Variants in CRMP1 observed in about 807,000 individuals in gnomAD.
CRMP1 encodes dihydropyrimidinase-related protein 1.
CRMP1 carries 19 observed loss-of-function variants against 68.3 expected under a neutral mutation model. The ratio of observed to expected loss-of-function variants is 0.28; its 90% CI spans 0.19 to 0.41. The LOEUF (loss-of-function observed/expected upper bound fraction) is 0.41, where lower values mean the gene tolerates loss of function less well. Among genes scored for constraint, CRMP1 ranks in the 10% least tolerant of loss-of-function variants. The probability of loss-of-function intolerance (pLI) is 1.00; values close to 1 mark genes in which losing one functional copy is unlikely to be tolerated. For synonymous variants in CRMP1, 439 were observed against 399.6 expected (o/e 1.10, Z -1.18); for missense variants, 791 against 967.4 (o/e 0.82, Z 2.42).
chr4:5,835,925 C>A lies in CRMP1; in HGVS notation c.1613G>T (p.Ser538Ile). ...TAGGCCAGGACTTACCGACTTGTGA[C>A]TTTTGGCTGTTATGGTCTTCAACTT... ...PDKLKTITAKSHKSAVEYNIF... is the reference protein window; with the variant it reads ...PDKLKTITAKIHKSAVEYNIF... Residue 538 changes from serine to isoleucine, a missense_variant, in exon 11 of 14, where the codon AGT becomes ATT. Ser to Ile is a moderately radical substitution (Grantham distance 142). Transcript: ENST00000324989. 6.4e-7 allele frequency: 1 copy of A among 1,551,848 alleles called. No individual in the cohort carries two copies.
In CRMP1 at chr4:5,887,393, G is replaced by A. The variant is rs3774897; in HGVS notation, c.381+5196C>T. 15 of 985,598 alleles carry A rather than the reference G, an allele frequency of 1.5e-5. No homozygotes were observed. In the East Asian group the frequency reaches 9.1e-4, roughly 60 times the overall value. 61.1% of individuals were successfully genotyped at this position (985,598 alleles called of 1,614,324 possible). ...CCCCGGGCTGCTCCTGCATACATGG[G>A]CTCCAGTGGTCCGCATCCCTCAGGA... On this transcript the variant is annotated intron_variant, in intron 1 of 13. Coordinates refer to ENST00000324989, the MANE Select transcript of CRMP1 (RefSeq NM_001014809.3).
intron 8 of CRMP1, 73 bp from the exon 9 acceptor site, chr4:5,839,751 G>C: frequency 1.4e-6 from 2 of 1,475,232 alleles, no homozygotes; most frequent in Admixed American, 2.1e-5. Flanking sequence ...GCACAAAATT[G>C]GAAGACTGTG....
chr4:5,892,439 G>T lies in CRMP1; in HGVS notation c.381+150C>A. On this transcript the variant is annotated intron_variant, in intron 1 of 13. Coordinates refer to ENST00000324989, the MANE Select transcript of CRMP1 (RefSeq NM_001014809.3). This position sits in a 1 kb window ranked among gnomAD's most constrained non-coding sequence, Gnocchi z 8.6. ...CAGCTCTGGGAACCTCTTGCATGAT[G>T]AGGTGGGGGAGGGGCCGCGCCGTGG... The T allele has an allele frequency of 1.3e-6, 1 of 781,516 alleles. No individual in the cohort carries two copies. Among genetic ancestry groups the T allele is most frequent in the Non-Finnish European group, 1.7e-6 (1 of 605,332 alleles). The allele number at this position is 781,516 out of a possible 1,614,324, so 48.4% of individuals were successfully genotyped here. A position where few individuals can be genotyped will look rare whatever the true frequency, so the allele number is the denominator to read the frequency against.
At chr4:5,847,985 G>A (rs754737330) in intron 6 of CRMP1, among the ~76,000 whole-genome samples, 1 of 152,044 alleles carries the variant, frequency 6.6e-6, no homozygotes, top group African/African-American at 2.4e-5. Flanking sequence ...AGAGACCCAG[G>A]AGCCTGCCTG....
At chr4:5,869,777 C>A (rs1165931319) in intron 1 of CRMP1, among the ~76,000 whole-genome samples, 4 of 151,824 alleles carry the variant, frequency 2.6e-5, no homozygotes, top group African/African-American at 7.3e-5. Context: ...AACTCAAGAA[C>A]CTGGAGGCAG....
At chr4:5,827,706 C>T (rs549284167) in intron 12 of CRMP1, among the ~76,000 whole-genome samples, 9 of 150,714 alleles carry the variant, frequency 6.0e-5, no homozygotes, top group Admixed American at 1.3e-4. Flanking sequence ...ACACATGACA[C>T]GCATAGACAT....
rs1711936633 is a variant in CRMP1, at chr4:5,843,391, T to C, written c.964-230A>G. ...CATGGCTCCATCTGCACCTGCTTTA[T>C]ATTGAATCTCCCGGGATCAATGAGA... On this transcript the variant is annotated intron_variant, in intron 6 of 13. Transcript: ENST00000324989. The surrounding 1 kb of genome is among the most constrained non-coding windows in gnomAD (Gnocchi z 4.1). Among the ~76,000 whole-genome samples the C allele has an allele frequency of 6.6e-6, 1 of 152,088 alleles. No individual in the cohort carries two copies. The highest frequency in any genetic ancestry group is 1.5e-5 in the Non-Finnish European group (1 of 68,010).
At chr4:5,851,521 A>T (rs778393503) in intron 4 of CRMP1, 52 bp from the exon 5 acceptor site, 7 of 1,538,966 alleles carry the variant, frequency 4.5e-6, no homozygotes, top group African/African-American at 2.7e-5. Context: ...AAACAGAAGC[A>T]TGTCTTTCCA....
intron 1 of CRMP1, among the ~76,000 whole-genome samples, chr4:5,884,909 C>T (rs1341164345): frequency 6.6e-6 from 1 of 151,672 alleles, no homozygotes; most frequent in Non-Finnish European, 1.5e-5. Flanking sequence ...CAGAGCCACA[C>T]CCAGGATGCT....
At chr4:5,823,848 C>G (rs1029708213) in intron 13 of CRMP1, among the ~76,000 whole-genome samples, 2 of 152,132 alleles carry the variant, frequency 1.3e-5, no homozygotes, top group Admixed American at 1.3e-4. Flanking sequence ...TGTAAATGGA[C>G]GAAAACAGAC....
In CRMP1 at chr4:5,828,470, C is replaced by T; in HGVS notation, c.1803+19G>A. ...CTCTGGTCCCACGGGTGGGCCCGCT[C>T]CCCTGCAGACACACTCACCTTATTC... On this transcript the variant is annotated intron_variant, in intron 12 of 13. Transcript: ENST00000324989. The T allele has an allele frequency of 2.5e-6, 4 of 1,609,672 alleles. No individual in the cohort carries two copies. Among genetic ancestry groups the T allele is most frequent in the Admixed American group, 1.7e-5 (1 of 59,926 alleles).
chr4:5,842,648 TCTCACACACACACACTAACATACACACA>T lies in CRMP1; in HGVS notation c.1032+417_1032+444del. Among the ~76,000 whole-genome samples, 1 of 147,714 alleles carries T rather than the reference TCTCACACACACACACTAACATACACACA, an allele frequency of 6.8e-6. No homozygotes were observed. The highest frequency in any genetic ancestry group is 6.8e-5 in the Admixed American group (1 of 14,786). On this transcript the variant is annotated intron_variant, in intron 7 of 13. Coordinates refer to ENST00000324989, the MANE Select transcript of CRMP1 (RefSeq NM_001014809.3). The surrounding 1 kb of genome is among the most constrained non-coding windows in gnomAD (Gnocchi z 4.5). Reference sequence around the variant, plus strand: ...CACACACACACACACGCACTGTCTCTCTCACACACACACACTAACATACACACACTCACACACACACATACACACACAG... The same window carrying T: ...CACACACACACACACGCACTGTCTCTCTCACACACACACATACACACACAG...
chr4:5,824,478 G>A (rs895088212), intron 13 of CRMP1: 15 of 984,838 alleles, frequency 1.5e-5, no homozygotes, highest in Middle Eastern at 5.2e-4. Flanking sequence ...GAATTCACAC[G>A]TCATCCTCTC....
rs868479438 is a variant in CRMP1, at chr4:5,891,805, C to G, written c.381+784G>C. Among the ~76,000 whole-genome samples, 99 of 152,316 alleles carry G rather than the reference C, an allele frequency of 6.5e-4. No individual in the cohort carries two copies. In the Middle Eastern group the frequency reaches 0.014, roughly 21 times the overall value. On this transcript the variant is annotated intron_variant, in intron 1 of 13. Coordinates refer to ENST00000324989, the MANE Select transcript of CRMP1 (RefSeq NM_001014809.3). The surrounding 1 kb of genome is among the most constrained non-coding windows in gnomAD (Gnocchi z 5.2). Reference sequence around the variant, plus strand: ...TGACCCCCAGCTCAAGAGAGAATACCCGCAGGGCCCAAGCCCTAGCGTTCC... The same window carrying G: ...TGACCCCCAGCTCAAGAGAGAATACGCGCAGGGCCCAAGCCCTAGCGTTCC...
At chr4:5,837,659 AAAATAAAATAAAATAAAAT>A (rs1182867771) in intron 9 of CRMP1, among the ~76,000 whole-genome samples, 2 of 98,494 alleles carry the variant, frequency 2.0e-5, no homozygotes, top group South Asian at 3.3e-4. Flanking sequence ...ATAATAAAAT[AAAATAAAATAAAATAAAAT>A]AAATAAAATA....
chr4:5,852,694 C>G (rs561170839), intron 4 of CRMP1, among the ~76,000 whole-genome samples: 2 of 152,208 alleles, frequency 1.3e-5, no homozygotes, highest in South Asian at 2.1e-4. Flanking sequence ...GTGAGTAAGA[C>G]GACAAGTCCC....
intron 11 of CRMP1, 35 bp from the exon 12 acceptor site, chr4:5,828,703 T>A (rs778651339): frequency 1.2e-6 from 2 of 1,605,712 alleles, no homozygotes; most frequent in East Asian, 4.5e-5. Context: ...TTCCCAGGAT[T>A]TGCTCTGCCC....
rs115627232 is a variant in CRMP1, at chr4:5,864,455, C to T, written c.470+2213G>A. ...CCCCCAATCTGCCTTCCTGACCATTCGGGATCCAGGTGCCCTGAGGCTGAC... is the reference window on the plus strand; with the variant it reads ...CCCCCAATCTGCCTTCCTGACCATTTGGGATCCAGGTGCCCTGAGGCTGAC... On this transcript the variant is annotated intron_variant, in intron 2 of 13. Transcript: ENST00000324989. 7.7e-3 allele frequency among the ~76,000 whole-genome samples: 1,170 copies of T among 152,350 alleles called. 15 individuals carry two copies. Among genetic ancestry groups the T allele is most frequent in the African/African-American group, 0.026 (1,088 of 41,580 alleles).
chr4:5,828,832 C>A (rs1720099409), intron 11 of CRMP1, among the ~76,000 whole-genome samples, 164 bp from the exon 12 acceptor site: 1 of 152,090 alleles, frequency 6.6e-6, no homozygotes, highest in African/African-American at 2.4e-5. Context: ...GTATGGTCCA[C>A]AGTGTATATA....
Sources: gnomAD v4.1 joint callset for allele counts (sites outside exome capture counted in the v4.1 genomes callset) on GRCh38, gnomAD v4.1.1 for gene constraint, Gnocchi (gnomAD v3.1) non-coding constraint, MANE v1.5 for transcripts, NCBI Gene and HGNC (gene_info 2026-07-23, HGNC 2026-07-21) for gene names.